ARHGEF28: variants seen among roughly 807,000 people sequenced by gnomAD.
ARHGEF28 encodes Rho guanine nucleotide exchange factor 28, also known as 190 kDa guanine nucleotide exchange factor.
ARHGEF28 carries 152 observed loss-of-function variants against 206.6 expected under a neutral mutation model. The ratio of observed to expected loss-of-function variants is 0.74; its 90% CI spans 0.64 to 0.84. The LOEUF (loss-of-function observed/expected upper bound fraction) is 0.84, where lower values mean the gene tolerates loss of function less well. ARHGEF28 is among the 40% of genes least tolerant of loss of function. ARHGEF28 has a pLI of 0.00. For missense variants in ARHGEF28, 2,028 were observed against 2,073.2 expected (o/e 0.98, Z 0.42); for synonymous variants, 763 against 776.4 (o/e 0.98, Z 0.29).
chr5:73,886,538 C>G (rs893399396), intron 25 of ARHGEF28, among the ~76,000 whole-genome samples: 36 of 152,192 alleles, frequency 2.4e-4, no homozygotes, highest in Admixed American at 1.6e-3. Context: ...TTGTTACTGA[C>G]TAATAGAATA....
At chr5:73,874,687 C>T (rs1038411433) in intron 22 of ARHGEF28, among the ~76,000 whole-genome samples, 18 of 150,172 alleles carry the variant, frequency 1.2e-4, no homozygotes, top group Non-Finnish European at 1.2e-4. Flanking sequence ...TTTGTCCTTG[C>T]GATAGTTTGC....
At chr5:73,743,870 A>T (rs1030317774) in intron 2 of ARHGEF28, among the ~76,000 whole-genome samples, 1 of 152,200 alleles carries the variant, frequency 6.6e-6, no homozygotes, top group African/African-American at 2.4e-5. Flanking sequence ...ATTGAGTTAA[A>T]TGAAAAGCTG....
intron 35 of ARHGEF28, among the ~76,000 whole-genome samples, chr5:73,931,941 T>A (rs1561205931): frequency 6.6e-6 from 1 of 152,258 alleles, no homozygotes; most frequent in African/African-American, 2.4e-5. Flanking sequence ...ATGTTGTTTT[T>A]GTAATTTTAA....
At chr5:73,687,363 A>G (rs1747537580) in intron 2 of ARHGEF28, among the ~76,000 whole-genome samples, 1 of 133,280 alleles carries the variant, frequency 7.5e-6, no homozygotes, top group African/African-American at 2.9e-5. Context: ...ATCTTAGATA[A>G]AATATATGAA....
At position 73,873,078 on chromosome 5, in the gene ARHGEF28, G is replaced by A; in HGVS notation, c.2646G>A (p.Glu882=). The stretch of plus-strand genomic sequence containing the variant: ...TCTTCAGGAAAGGCATGAAAGAGGA[G>A]CTGCAGCTGGACCACAGCACCGTGG... ...SEIFRKGMKE[E]LQLDHSTVDK... is the part of the protein sequence containing the mutation. Residue 882 remains glutamate, a synonymous_variant, in exon 22 of 36, where the codon GAG becomes GAA. Coordinates refer to ENST00000513042, the MANE Select transcript of ARHGEF28 (RefSeq NM_001177693.2). 1 of 1,613,622 alleles carries A rather than the reference G, an allele frequency of 6.2e-7. No homozygotes were observed. Among genetic ancestry groups the A allele is most frequent in the Non-Finnish European group, 8.5e-7 (1 of 1,179,740 alleles).
intron 2 of ARHGEF28, among the ~76,000 whole-genome samples, chr5:73,717,117 A>G (rs1448985930): frequency 6.6e-6 from 1 of 152,172 alleles, no homozygotes; most frequent in East Asian, 1.9e-4. Context: ...ACAAATCCTT[A>G]GGTAGCTCAG....
chr5:73,783,473 G>T (rs182121951), intron 7 of ARHGEF28, among the ~76,000 whole-genome samples: 1 of 152,158 alleles, frequency 6.6e-6, no homozygotes, highest in East Asian at 1.9e-4. Flanking sequence ...ATGGCTGTAC[G>T]TGAAGCAAGT....
At chr5:73,927,941 G>A (rs1473240594) in intron 35 of ARHGEF28, among the ~76,000 whole-genome samples, 6 of 152,104 alleles carry the variant, frequency 3.9e-5, no homozygotes, top group South Asian at 2.1e-4. Flanking sequence ...GCTGTGGTTC[G>A]GAAAGATGTT....
intron 35 of ARHGEF28, among the ~76,000 whole-genome samples, chr5:73,914,096 T>C (rs1763069870): frequency 6.6e-6 from 1 of 152,216 alleles, no homozygotes; most frequent in South Asian, 2.1e-4. Context: ...GCAGACATTT[T>C]TGTGCTCTAA....
In ARHGEF28 at chr5:73,867,880, T is replaced by C; in HGVS notation, c.2157T>C (p.Ser719=). The change falls in exon 19 of 36, where the codon TCT becomes TCC. Residue 719 remains serine (S), a synonymous_variant. Coordinates refer to ENST00000513042, the MANE Select transcript of ARHGEF28 (RefSeq NM_001177693.2). Reference sequence around the variant, plus strand: ...AGCATCTGTTCTGATTTCCAGATTCTTCATTTAGAGACATCCCACAGCCTG... The same window carrying C: ...AGCATCTGTTCTGATTTCCAGATTCCTCATTTAGAGACATCCCACAGCCTG... ...KNKPQTILGN[S]SFRDIPQPGL... is the part of the protein sequence containing the mutation. 1 of 1,613,996 alleles carries C rather than the reference T, an allele frequency of 6.2e-7. No individual in the cohort carries two copies. The highest frequency in any genetic ancestry group is 8.5e-7 in the Non-Finnish European group (1 of 1,179,864).
chr5:73,826,182 C>T (rs1027276641), intron 9 of ARHGEF28, among the ~76,000 whole-genome samples: 8 of 152,126 alleles, frequency 5.3e-5, no homozygotes, highest in Admixed American at 3.9e-4. Context: ...TGCTGTAGGT[C>T]ACAGAAGGTG....
At chr5:73,745,199 G>T (rs540789486) in intron 2 of ARHGEF28, among the ~76,000 whole-genome samples, 1 of 151,988 alleles carries the variant, frequency 6.6e-6, no homozygotes, top group Non-Finnish European at 1.5e-5. Context: ...ATATACAGAT[G>T]CATTGTTTAT....
At chr5:73,844,207 T>C (rs1758159022) in intron 11 of ARHGEF28, among the ~76,000 whole-genome samples, 1 of 152,216 alleles carries the variant, frequency 6.6e-6, no homozygotes, top group South Asian at 2.1e-4. Flanking sequence ...CTGATACTTC[T>C]AGGATGTATT....
chr5:73,813,505 G>A (rs1580653431), intron 9 of ARHGEF28: 1 of 1,521,000 alleles, frequency 6.6e-7, no homozygotes, highest in African/African-American at 1.4e-5. Flanking sequence ...CATCACATGG[G>A]GAGGCTTGCC....
At chr5:73,658,628 A>G (rs16870662) in intron 1 of ARHGEF28, among the ~76,000 whole-genome samples, 3,423 of 152,262 alleles carry the variant, frequency 0.022, 134 homozygotes, top group African/African-American at 0.077. Context: ...TGGGATCTTA[A>G]GGATGGAGGA....
At chr5:73,639,484 AC>A (rs1743938328) in intron 1 of ARHGEF28, among the ~76,000 whole-genome samples, 2 of 151,898 alleles carry the variant, frequency 1.3e-5, no homozygotes, top group African/African-American at 4.8e-5. Context: ...GCACACCATA[AC>A]TATAAATTTA....
rs1762736802 is a variant in ARHGEF28, at chr5:73,909,415, G to A, written c.4165G>A (p.Ala1389Thr). 5 of 1,597,778 alleles carry A rather than the reference G, an allele frequency of 3.1e-6. No individual in the cohort carries two copies. Among genetic ancestry groups the A allele is most frequent in the Non-Finnish European group, 3.4e-6 (4 of 1,168,620 alleles). The change falls in exon 34 of 36, where the codon GCC becomes ACC. Residue 1389 changes from alanine to threonine, a missense_variant. Ala to Thr is a moderately conservative substitution (Grantham distance 58). Coordinates refer to ENST00000513042, the MANE Select transcript of ARHGEF28 (RefSeq NM_001177693.2). ...TTTCCTCTGTCTGCTCTGACAGGCC[G>A]CCTTGACCATTCAGGACAGCCACAT... is the stretch of plus-strand genomic sequence containing the variant. Reference protein sequence around the residue: ...LTRLLYSLQAALTIQDSHIEI... With the variant: ...LTRLLYSLQATLTIQDSHIEI...
chr5:73,868,190 G>A lies in ARHGEF28; in HGVS notation c.2388G>A (p.Met796Ile). 1 of 1,597,552 alleles carries A rather than the reference G, an allele frequency of 6.3e-7. No homozygotes were observed. ...ATTCTGATGAGCTGCTACAGTCCAT[G>A]GGCTCTTCTCCCTCTACAGAGTCTT... ...RSHSDELLQS[M>I]GSSPSTESFI... Residue 796 changes from methionine to isoleucine, a missense_variant, in exon 20 of 36, where the codon ATG becomes ATA. Coordinates refer to ENST00000513042, the MANE Select transcript of ARHGEF28 (RefSeq NM_001177693.2).
intron 1 of ARHGEF28, among the ~76,000 whole-genome samples, chr5:73,663,475 T>G (rs1171786844): frequency 6.6e-6 from 1 of 152,254 alleles, no homozygotes; most frequent in African/African-American, 2.4e-5. Context: ...CCCTTCATTT[T>G]ATATCCATTG....
Sources: gnomAD v4.1 joint callset for allele counts (sites outside exome capture counted in the v4.1 genomes callset) on GRCh38, gnomAD v4.1.1 for gene constraint, MANE v1.5 for transcripts, NCBI Gene and HGNC (gene_info 2026-07-23, HGNC 2026-07-21) for gene names.